Variants in FOXP1 observed in about 807,000 individuals in gnomAD.
FOXP1 encodes forkhead box protein P1.
In FOXP1, 15 loss-of-function variants were observed where a neutral mutation model predicts 98.2. The ratio of observed to expected loss-of-function variants is 0.15; its 90% CI spans 0.10 to 0.24. The LOEUF (loss-of-function observed/expected upper bound fraction) is 0.24, where lower values mean the gene tolerates loss of function less well. FOXP1 is among the 10% of genes least tolerant of loss of function. The pLI is 1.00. For synonymous variants in FOXP1, 371 were observed against 314.5 expected, an observed-to-expected ratio of 1.18 and a Z score of -1.90; for missense variants, 633 against 848.5, an observed-to-expected ratio of 0.75 and a Z score of 3.15.
intron 2 of FOXP1, among the ~76,000 whole-genome samples, chr3:71,514,575 G>A (rs1366369187): frequency 6.6e-6 from 1 of 152,212 alleles, no homozygotes; most frequent in African/African-American, 2.4e-5. Flanking sequence ...AATATCTGTT[G>A]ACTGAACAAT....
chr3:71,272,729 C>T (rs2070494830), intron 5 of FOXP1, among the ~76,000 whole-genome samples: 2 of 151,866 alleles, frequency 1.3e-5, no homozygotes, highest in Non-Finnish European at 2.9e-5. Flanking sequence ...GTCCACTGTT[C>T]CTAACTAACT....
chr3:70,983,819 A>C (rs1008904967), intron 14 of FOXP1, among the ~76,000 whole-genome samples: 2 of 152,212 alleles, frequency 1.3e-5, no homozygotes, highest in African/African-American at 4.8e-5. Flanking sequence ...TAATTTAATA[A>C]AGTCATCATA....
intron 4 of FOXP1, among the ~76,000 whole-genome samples, chr3:71,309,389 G>A (rs940610545): frequency 2.1e-5 from 3 of 144,080 alleles, no homozygotes; most frequent in Admixed American, 6.7e-5. Context: ...AGTTTATAAC[G>A]TAATTTTTTT....
At chr3:71,164,152 C>T (rs890215839) in intron 6 of FOXP1, among the ~76,000 whole-genome samples, 3 of 152,146 alleles carry the variant, frequency 2.0e-5, no homozygotes, top group Non-Finnish European at 4.4e-5. Flanking sequence ...TAGAAATAAA[C>T]ATGGATGCTA....
chr3:71,343,491 T>G (rs556881097), intron 4 of FOXP1, among the ~76,000 whole-genome samples: 5 of 152,084 alleles, frequency 3.3e-5, no homozygotes, highest in African/African-American at 1.2e-4. Context: ...TTTTGTTGGG[T>G]TACGGGGCGG....
At chr3:71,267,277 T>C (rs2069787959) in intron 5 of FOXP1, among the ~76,000 whole-genome samples, 2 of 152,162 alleles carry the variant, frequency 1.3e-5, no homozygotes, top group African/African-American at 4.8e-5. Flanking sequence ...CCCAGGTGTC[T>C]CTCCACTTTT....
rs2041785295 is a variant in FOXP1 at position 71,505,856 on chromosome 3, A to G, written c.-297-12301T>C. ...CCTCCACGAATGTCACCTGTCACTA[A>G]AGTCTAAAGGATGAGATTATCACTT... On this transcript the variant is annotated intron_variant, in intron 2 of 20. Coordinates refer to ENST00000649528, the MANE Select transcript of FOXP1 (RefSeq NM_001349338.3). Among the ~76,000 whole-genome samples, 3 of 152,226 alleles carry G rather than the reference A, an allele frequency of 2.0e-5. No homozygotes were observed. The South Asian group carries it at 6.2e-4, about 32-fold the overall frequency.
chr3:71,476,007 T>G (rs1482926803), intron 3 of FOXP1, among the ~76,000 whole-genome samples: 2 of 151,656 alleles, frequency 1.3e-5, no homozygotes, highest in African/African-American at 2.4e-5. Flanking sequence ...GTATACACAT[T>G]CTGGTATGAA....
At chr3:71,205,902 C>T (rs1003870071) in intron 5 of FOXP1, among the ~76,000 whole-genome samples, 3 of 152,126 alleles carry the variant, frequency 2.0e-5, no homozygotes, top group South Asian at 2.1e-4. Context: ...TAATGTAATA[C>T]GGCAGCTTTC....
intron 12 of FOXP1, among the ~76,000 whole-genome samples, chr3:71,004,777 T>G (rs927785691): frequency 6.6e-6 from 1 of 152,152 alleles, no homozygotes; most frequent in Non-Finnish European, 1.5e-5. Flanking sequence ...AAATTAGAGA[T>G]GTTAAGCCGG....
At chr3:71,146,792 A>C (rs192056097) in intron 6 of FOXP1, among the ~76,000 whole-genome samples, 1 of 152,356 alleles carries the variant, frequency 6.6e-6, no homozygotes, top group African/African-American at 2.4e-5. Flanking sequence ...TAGAATTAAT[A>C]TCTTGGCTGA....
At chr3:71,535,802 C>G (rs994283301) in intron 2 of FOXP1, among the ~76,000 whole-genome samples, 2 of 152,118 alleles carry the variant, frequency 1.3e-5, no homozygotes, top group Non-Finnish European at 2.9e-5. Flanking sequence ...CTGGTTCTGC[C>G]CCACTCTGAG....
At chr3:71,343,407 G>C (rs76087495) in intron 4 of FOXP1, among the ~76,000 whole-genome samples, 3,189 of 152,112 alleles carry the variant, frequency 0.021, 118 homozygotes, top group African/African-American at 0.072. Flanking sequence ...AGAAAGGACT[G>C]AACTAAATAA....
chr3:71,530,083 T>C (rs2043714092), intron 2 of FOXP1, among the ~76,000 whole-genome samples: 1 of 152,150 alleles, frequency 6.6e-6, no homozygotes, highest in Non-Finnish European at 1.5e-5. Context: ...CTGAATTGAA[T>C]GACAGGACAC....
chr3:71,582,345 C>G, intron 1 of FOXP1: 1 of 966,442 alleles, frequency 1.0e-6, no homozygotes, highest in Non-Finnish European at 1.2e-6. Flanking sequence ...CGCGACCCCG[C>G]GGCAACTGGC....
At chr3:71,367,799 T>G (rs1422057116) in intron 3 of FOXP1, among the ~76,000 whole-genome samples, 1 of 152,206 alleles carries the variant, frequency 6.6e-6, no homozygotes. Flanking sequence ...AAATAAGAAT[T>G]TGACCACCAG....
At chr3:71,369,083 C>CT (rs57940925) in intron 3 of FOXP1, among the ~76,000 whole-genome samples, 18 of 147,354 alleles carry the variant, frequency 1.2e-4, no homozygotes, top group Middle Eastern at 3.5e-3. Context: ...GGGACCATGT[C>CT]TTTTTTTTTT....
chr3:71,150,187 T>G (rs13097125), intron 6 of FOXP1, among the ~76,000 whole-genome samples: 17,733 of 152,206 alleles, frequency 0.12, 1,168 homozygotes, highest in East Asian at 0.26. Context: ...GGCTCTGCTG[T>G]GAGATAAGGG....
At chr3:71,314,100 A>C (rs1299199291) in intron 4 of FOXP1, among the ~76,000 whole-genome samples, 1 of 152,218 alleles carries the variant, frequency 6.6e-6, no homozygotes, top group African/African-American at 2.4e-5. Context: ...ACATGTCATA[A>C]GTACTTAGAA....
Sources: allele counts gnomAD v4.1 joint callset (sites outside exome capture counted in the v4.1 genomes callset), GRCh38; gene constraint gnomAD v4.1.1; transcripts MANE v1.5; gene names NCBI Gene and HGNC (gene_info 2026-07-23, HGNC 2026-07-21).